Variants in ANK1 observed in about 807,000 individuals in gnomAD.
ANK1 encodes ankyrin-1.
In ANK1, 51 loss-of-function variants were observed where a neutral mutation model predicts 210.4. The observed-to-expected ratio is 0.24, with a 90% CI of 0.19 to 0.31. The LOEUF (loss-of-function observed/expected upper bound fraction) is 0.31, where lower values mean the gene tolerates loss of function less well. ANK1 is among the 10% of genes least tolerant of loss of function. ANK1 has a pLI of 1.00. For missense variants in ANK1, 2,051 were observed against 2,504.4 expected (o/e 0.82, Z 3.86); for synonymous variants, 967 against 1,025.9 (o/e 0.94, Z 1.10).
chr8:41,688,370 C>T lies in ANK1; in HGVS notation c.4184-140G>A, dbSNP rs74917346. 2.6e-4 allele frequency: 364 copies of T among 1,415,848 alleles called. 3 individuals are homozygous for T. In the East Asian group the frequency reaches 7.5e-3, roughly 29 times the overall value. 87.7% of individuals were successfully genotyped at this position (1,415,848 alleles called of 1,614,324 possible). On this transcript the variant is annotated intron_variant, in intron 34 of 42. Coordinates refer to ENST00000289734, the MANE Select transcript of ANK1 (RefSeq NM_000037.4). ...CTCTCTGCAAGATCAGGGGAAGACC[C>T]GAGTCAGCTCTGCAGCTGCTTTTGG...
chr8:41,715,730 G>A lies in ANK1; in HGVS notation c.1524C>T (p.His508=). 1.9e-6 allele frequency: 3 copies of A among 1,614,192 alleles called. No homozygotes were observed. The highest frequency in any genetic ancestry group is 2.5e-6 in the Non-Finnish European group (3 of 1,180,038). Residue 508 remains histidine, a synonymous_variant, in exon 14 of 43, where the codon CAC becomes CAT. Coordinates refer to ENST00000289734, the MANE Select transcript of ANK1 (RefSeq NM_000037.4). ...LATTAGHTPL[H]IAAREGHVET... ...CCACATGGCCCTCACGGGCTGCAAT[G>A]TGCAGGGGGGTGTGCCCGGCGGTGG...
intron 9 of ANK1, among the ~76,000 whole-genome samples, chr8:41,721,162 G>T (rs978460709): frequency 3.9e-5 from 6 of 152,172 alleles, no homozygotes; most frequent in Admixed American, 6.5e-5. Context: ...CTAAAATGAG[G>T]TCATTAGTGT....
At chr8:41,854,658 C>T (rs779911575) in intron 1 of ANK1, among the ~76,000 whole-genome samples, 4 of 152,098 alleles carry the variant, frequency 2.6e-5, no homozygotes, top group Admixed American at 6.5e-5. Flanking sequence ...ATGCAGAATG[C>T]GCTGGTCGTG....
chr8:41,797,473 A>G lies in ANK1; in HGVS notation c.27+39T>C. ...GCGCGGCCTGGGTGGCCCCCTCCTG[A>G]CATCTCCCCGTCCACCCGAGCAGCC... On this transcript the variant is annotated intron_variant, in intron 1 of 42. Transcript: ENST00000289734. This position sits in a 1 kb window ranked among gnomAD's most constrained non-coding sequence, Gnocchi z 4.0. The G allele has an allele frequency of 6.3e-7, 1 of 1,596,106 alleles. No homozygotes were observed. Among genetic ancestry groups the G allele is most frequent in the Non-Finnish European group, 8.6e-7 (1 of 1,166,024 alleles).
At chr8:41,740,335 C>T (rs509125) in intron 2 of ANK1, among the ~76,000 whole-genome samples, 133,440 of 151,692 alleles carry the variant, frequency 0.88, 58,743 homozygotes, top group African/African-American at 0.89. Context: ...TAATTTTTTG[C>T]ATTTTTAGTA....
chr8:41,679,558 CTTTT>C (rs869249907), intron 37 of ANK1, among the ~76,000 whole-genome samples: 1 of 90,242 alleles, frequency 1.1e-5, no homozygotes, highest in Non-Finnish European at 2.0e-5. Flanking sequence ...CCTGGACTTT[CTTTT>C]TTTTTTTTTT....
At chr8:41,763,903 T>TG (rs1482096475) in intron 1 of ANK1, among the ~76,000 whole-genome samples, 1 of 128,760 alleles carries the variant, frequency 7.8e-6, no homozygotes, top group Non-Finnish European at 1.6e-5. Context: ...TTTTTTTTTT[T>TG]TTTTTTTTTT....
intron 1 of ANK1, among the ~76,000 whole-genome samples, chr8:41,863,163 C>T (rs1587487974): frequency 6.6e-6 from 1 of 152,092 alleles, no homozygotes; most frequent in East Asian, 1.9e-4. Flanking sequence ...TTGAGACCAT[C>T]CTGGCTAACA....
At chr8:41,696,827 G>C in intron 24 of ANK1, 54 bp from the exon 25 acceptor site, 1 of 1,519,142 alleles carries the variant, frequency 6.6e-7, no homozygotes, top group East Asian at 2.3e-5. Flanking sequence ...CCAGCTGGAT[G>C]CCGTGCCAGG....
intron 1 of ANK1, among the ~76,000 whole-genome samples, chr8:41,827,961 C>T (rs999455872): frequency 6.6e-6 from 1 of 152,018 alleles, no homozygotes; most frequent in Non-Finnish European, 1.5e-5. Flanking sequence ...CAGATACACA[C>T]CGCCCCCGCC....
In ANK1 at chr8:41,704,191, C is replaced by CT; in HGVS notation, c.2197-53_2197-52insA. ...GGGTTAGCCAGCCACTAGACAGAGA[C>CT]CTGCCTACACATGATAGTGCCTGCC... is the stretch of plus-strand genomic sequence containing the variant. On this transcript the variant is annotated intron_variant, in intron 19 of 42. Transcript: ENST00000289734. The surrounding 1 kb of genome is among the most constrained non-coding windows in gnomAD (Gnocchi z 4.1). The CT allele has an allele frequency of 1.3e-6, 2 of 1,501,998 alleles. No individual in the cohort carries two copies. The highest frequency in any genetic ancestry group is 1.9e-6 in the Non-Finnish European group (2 of 1,079,234). 93.0% of individuals were successfully genotyped at this position (1,501,998 alleles called of 1,614,324 possible).
chr8:41,731,841 C>T (rs1330533188), intron 3 of ANK1, among the ~76,000 whole-genome samples: 4 of 152,238 alleles, frequency 2.6e-5, no homozygotes, highest in East Asian at 1.9e-4. Context: ...CTTGAAGGCA[C>T]GCCAGGGCAG....
chr8:41,779,652 G>A (rs1844856844), intron 1 of ANK1, among the ~76,000 whole-genome samples: 1 of 152,158 alleles, frequency 6.6e-6, no homozygotes, highest in Non-Finnish European at 1.5e-5. Flanking sequence ...AGGAGGTGCT[G>A]GGCACTGCTC....
At chr8:41,661,351 G>A in intron 42 of ANK1, 79 bp downstream of exon 42, 2 of 1,574,390 alleles carry the variant, frequency 1.3e-6, no homozygotes. Context: ...GGGTGGCTGG[G>A]AGGGGATAGG....
At chr8:41,878,194 A>G (rs1434631203) in intron 1 of ANK1, among the ~76,000 whole-genome samples, 4 of 152,196 alleles carry the variant, frequency 2.6e-5, no homozygotes, top group African/African-American at 7.2e-5. Flanking sequence ...GTCTGCACCA[A>G]TTCTGGAGAG....
At chr8:41,669,454 G>A (rs1223693168) in intron 38 of ANK1, among the ~76,000 whole-genome samples, 3 of 152,050 alleles carry the variant, frequency 2.0e-5, no homozygotes, top group Admixed American at 6.5e-5. Flanking sequence ...ACGCCACCAC[G>A]TCCAGCTATT....
intron 33 of ANK1, among the ~76,000 whole-genome samples, chr8:41,689,884 G>A (rs919314497): frequency 1.5e-4 from 23 of 152,260 alleles, no homozygotes; most frequent in Non-Finnish European, 2.4e-4. Context: ...CTCGGGCCAG[G>A]GACACCGAGG....
intron 1 of ANK1, among the ~76,000 whole-genome samples, chr8:41,883,789 C>T (rs995918429): frequency 2.2e-4 from 33 of 152,296 alleles, no homozygotes; most frequent in Admixed American, 5.9e-4. Flanking sequence ...GTCCTCTAAA[C>T]TAAATACAGA....
At chr8:41,712,991 C>T (rs1036422881) in intron 16 of ANK1, among the ~76,000 whole-genome samples, 5 of 152,254 alleles carry the variant, frequency 3.3e-5, no homozygotes, top group Admixed American at 2.0e-4. Flanking sequence ...AGACAGCTGT[C>T]GGGAGCCGGC....
Sources: gnomAD v4.1 joint callset for allele counts (sites outside exome capture counted in the v4.1 genomes callset) on GRCh38, gnomAD v4.1.1 for gene constraint, Gnocchi (gnomAD v3.1) non-coding constraint, MANE v1.5 for transcripts, NCBI Gene and HGNC (gene_info 2026-07-23, HGNC 2026-07-21) for gene names.